Variants in MYLK4 observed in about 807,000 individuals in gnomAD.
MYLK4 encodes myosin light chain kinase family member 4.
MYLK4 carries 46 observed loss-of-function variants against 48.1 expected under a neutral mutation model. The ratio of observed to expected loss-of-function variants is 0.96; its 90% CI spans 0.75 to 1.22. MYLK4 has a LOEUF of 1.22. Ranked by LOEUF, MYLK4 falls within the 50% of genes most tolerant of loss-of-function variation. MYLK4 has a pLI of 0.00. For missense variants in MYLK4, 451 were observed against 486.1 expected, an observed-to-expected ratio of 0.93 and a Z score of 0.68; for synonymous variants, 170 against 180.8, an observed-to-expected ratio of 0.94 and a Z score of 0.48.
chr6:2,700,141 C>T (rs925812975), intron 2 of MYLK4, among the ~76,000 whole-genome samples: 5 of 152,132 alleles, frequency 3.3e-5, no homozygotes, highest in East Asian at 1.9e-4. Flanking sequence ...ACAGAGAAAA[C>T]GCTGAGTCCT....
At chr6:2,697,728 G>T (rs1421439844) in intron 2 of MYLK4, among the ~76,000 whole-genome samples, 1 of 152,172 alleles carries the variant, frequency 6.6e-6, no homozygotes, top group Admixed American at 6.5e-5. Flanking sequence ...TGAGATAAGG[G>T]CTGCTCCTCT....
rs146403758 is a variant in MYLK4, at chr6:2,671,290, C to T, written c.*11G>A. On this transcript the variant is annotated 3_prime_UTR_variant, in exon 12 of 13. Transcript: ENST00000274643. The stretch of plus-strand genomic sequence containing the variant: ...CCAAGACTAACCTTCCAAATGGCTG[C>T]CTCCTGTAGACTATTTGGTCACAAA... 9.1e-4 allele frequency: 1,469 copies of T among 1,613,606 alleles called. 27 individuals carry two copies. The Admixed American group carries it at 0.023, about 25-fold the overall frequency.
the MYLK4 span, chr6:2,766,339 C>G: frequency 6.2e-7 from 1 of 1,610,854 alleles, no homozygotes; most frequent in Non-Finnish European, 8.5e-7. Context: ...TGCAGGATTA[C>G]TTCGGGCAGA....
At chr6:2,681,351 T>G (rs1761293742) in intron 7 of MYLK4, among the ~76,000 whole-genome samples, 1 of 152,218 alleles carries the variant, frequency 6.6e-6, no homozygotes. Flanking sequence ...AGAATATCTT[T>G]GGAAGCCCTT....
upstream of MYLK4, among the ~76,000 whole-genome samples, chr6:2,752,188 T>C (rs1320282660): frequency 6.6e-6 from 1 of 152,218 alleles, no homozygotes; most frequent in Non-Finnish European, 1.5e-5. Flanking sequence ...ATCTGCTCCT[T>C]AGCTTATTTT....
At chr6:2,688,636 T>G (rs1420686727) in intron 4 of MYLK4, among the ~76,000 whole-genome samples, 1 of 147,958 alleles carries the variant, frequency 6.8e-6, no homozygotes, top group East Asian at 2.0e-4. Context: ...TTTTAGACAT[T>G]ACAACATGGG....
chr6:2,758,964 C>T, the MYLK4 span, among the ~76,000 whole-genome samples: 3 of 152,318 alleles, frequency 2.0e-5, no homozygotes, highest in South Asian at 4.1e-4. Context: ...TAAATGTATA[C>T]ACAAGTTTAC....
At chr6:2,768,763 A>G in the MYLK4 span, 11 of 1,614,058 alleles carry the variant, frequency 6.8e-6, no homozygotes, top group South Asian at 1.1e-4. Flanking sequence ...ATCTGCAACA[A>G]ATGCCAAGAC....
chr6:2,763,526 C>T, the MYLK4 span, among the ~76,000 whole-genome samples: 14 of 152,240 alleles, frequency 9.2e-5, no homozygotes, highest in Admixed American at 8.5e-4. Context: ...CTAAGCTCCT[C>T]ACCGTCCTGG....
chr6:2,683,397 G>T (rs879905044), intron 6 of MYLK4, among the ~76,000 whole-genome samples: 29,185 of 120,850 alleles, frequency 0.24, 4,945 homozygotes, highest in East Asian at 0.42. Context: ...CTTTTTGTGT[G>T]TGTGTGTGTG....
intron 11 of MYLK4, among the ~76,000 whole-genome samples, chr6:2,674,642 G>C (rs567339491): frequency 9.8e-5 from 15 of 152,324 alleles, no homozygotes; most frequent in African/African-American, 3.6e-4. Flanking sequence ...GGGAGGCCAA[G>C]GTGGGTGGAT....
intron 7 of MYLK4, among the ~76,000 whole-genome samples, chr6:2,682,582 C>T (rs1222069790): frequency 6.6e-6 from 1 of 152,080 alleles, no homozygotes; most frequent in East Asian, 1.9e-4. Flanking sequence ...AAAACAAGTC[C>T]CAAAGTCTGG....
chr6:2,743,554 G>A (rs972035223), intron 2 of MYLK4, among the ~76,000 whole-genome samples: 7 of 152,224 alleles, frequency 4.6e-5, no homozygotes, highest in South Asian at 2.1e-4. Context: ...TTCTTAGTAA[G>A]AGTAGAAGCA....
chr6:2,678,278 G>A lies in MYLK4; in HGVS notation c.982C>T (p.Gln328Ter). The A allele has an allele frequency of 6.2e-7, 1 of 1,614,170 alleles. No homozygotes were observed. The highest frequency in any genetic ancestry group is 8.5e-7 in the Non-Finnish European group (1 of 1,180,028). ...TCCTTGGCCTCCTCCGAGATGTCCTGAAATTCTTCATCCTCTAAGTCCCAC... is the reference window on the plus strand; with the variant it reads ...TCCTTGGCCTCCTCCGAGATGTCCTAAAATTCTTCATCCTCTAAGTCCCAC... Reference protein sequence around the residue: ...CRWDLEDEEFQDISEEAKEFI... With the variant: ...CRWDLEDEEF Residue 328 changes from glutamine to a stop codon, truncating the protein, a stop_gained, in exon 10 of 13, where the codon CAG becomes TAG. Transcript: ENST00000274643. LOFTEE classifies it high-confidence loss of function.
At chr6:2,714,511 G>A (rs536362730) in intron 2 of MYLK4, among the ~76,000 whole-genome samples, 16 of 152,298 alleles carry the variant, frequency 1.1e-4, no homozygotes, top group Admixed American at 6.5e-4. Context: ...TAACGTCACT[G>A]GCTCATCCTT....
chr6:2,714,846 A>G (rs1041781361), intron 2 of MYLK4, among the ~76,000 whole-genome samples: 6 of 152,246 alleles, frequency 3.9e-5, no homozygotes, highest in African/African-American at 1.4e-4. Flanking sequence ...GCTCAGTGAA[A>G]TAAGCCAGAC....
chr6:2,674,930 G>A, intron 11 of MYLK4, 117 bp downstream of exon 11: 1 of 844,816 alleles, frequency 1.2e-6, no homozygotes, highest in Non-Finnish European at 1.9e-6. Flanking sequence ...AAGATTTGCA[G>A]TCTGTGAGAA....
Position 2,685,413 on chromosome 6 carries a change from G to T in MYLK4, c.436-8C>A. On this transcript the variant is annotated splice_region_variant and splice_polypyrimidine_tract_variant and intron_variant, in intron 5 of 12. Transcript: ENST00000274643. This position sits in a 1 kb window ranked among gnomAD's most constrained non-coding sequence, Gnocchi z 4.5. ...CTCGTTCTTCACCTCCTCCTGAGAA[G>T]CAGGAAACAGTGCATTAGTGTGGTC... 1.3e-6 allele frequency: 2 copies of T among 1,519,236 alleles called. No homozygotes were observed. The highest frequency in any genetic ancestry group is 2.2e-5 in the South Asian group (2 of 89,756). 94.1% of individuals were successfully genotyped at this position (1,519,236 alleles called of 1,614,324 possible).
intron 7 of MYLK4, among the ~76,000 whole-genome samples, chr6:2,681,605 C>A (rs1761305371): frequency 1.3e-5 from 2 of 152,138 alleles, no homozygotes; most frequent in Admixed American, 6.5e-5. Flanking sequence ...ATAAATTTTG[C>A]AAAACAGAAA....
Sources: allele counts gnomAD v4.1 joint callset (sites outside exome capture counted in the v4.1 genomes callset), GRCh38; gene constraint gnomAD v4.1.1; non-coding constraint Gnocchi (gnomAD v3.1); transcripts MANE v1.5; gene names NCBI Gene and HGNC (gene_info 2026-07-23, HGNC 2026-07-21).